SND1: variants seen among roughly 807,000 people sequenced by gnomAD.
The protein encoded by SND1 is staphylococcal nuclease and tudor domain containing 1.
A neutral mutation model predicts 121.7 loss-of-function variants in SND1; 38 were observed. That is an observed-to-expected ratio of 0.31 (90% CI 0.24 to 0.41). The LOEUF is 0.41. Ranked by LOEUF, SND1 falls within the 10% of genes least tolerant of loss-of-function variation. The probability of loss-of-function intolerance (pLI) is 1.00; values close to 1 mark genes in which losing one functional copy is unlikely to be tolerated. For synonymous variants in SND1, 401 were observed against 447.4 expected (o/e 0.90, Z 1.31); for missense variants, 868 against 1,184.6 (o/e 0.73, Z 3.92).
At chr7:127,908,316 AAATG>A (rs1800384864) in intron 14 of SND1, among the ~76,000 whole-genome samples, 1 of 104,716 alleles carries the variant, frequency 9.5e-6, no homozygotes, top group Non-Finnish European at 2.0e-5. Flanking sequence ...AAATAATAAT[AAATG>A]TGTGTGTGTG....
chr7:127,880,808 T>A (rs1332571829), intron 12 of SND1, among the ~76,000 whole-genome samples: 1 of 151,932 alleles, frequency 6.6e-6, no homozygotes, highest in African/African-American at 2.4e-5. Context: ...CCCCACAGGG[T>A]GACATTTTTA....
At chr7:128,084,983 C>G (rs896597571) in intron 19 of SND1, 136 bp downstream of exon 19, 5 of 862,486 alleles carry the variant, frequency 5.8e-6, no homozygotes, top group Middle Eastern at 2.4e-4. Flanking sequence ...TCCTGGGTGT[C>G]CCTCTTCATT....
intron 12 of SND1, chr7:127,858,135 G>T: frequency 1.2e-6 from 1 of 844,086 alleles, no homozygotes; most frequent in South Asian, 1.3e-5. Flanking sequence ...TGTCTAGGGA[G>T]TGTGGGGGTG....
At chr7:128,074,464 C>G (rs1196356540) in intron 16 of SND1, 38 bp from the exon 17 acceptor site, 1 of 1,575,892 alleles carries the variant, frequency 6.3e-7, no homozygotes, top group East Asian at 2.3e-5. Flanking sequence ...ACACTCAGGC[C>G]TGGCCCCCAC....
chr7:127,910,410 A>T (rs1363136239), intron 14 of SND1, among the ~76,000 whole-genome samples: 1 of 152,196 alleles, frequency 6.6e-6, no homozygotes, highest in Non-Finnish European at 1.5e-5. Context: ...GCATCACTGC[A>T]TTCCAGCCTG....
chr7:128,018,366 G>T (rs1415479389), intron 16 of SND1, among the ~76,000 whole-genome samples: 1 of 152,208 alleles, frequency 6.6e-6, no homozygotes, highest in Non-Finnish European at 1.5e-5. Flanking sequence ...TGACAGCCCA[G>T]CACAAAGAAA....
intron 16 of SND1, chr7:128,028,996 T>C: frequency 5.0e-6 from 8 of 1,613,232 alleles, no homozygotes; most frequent in Non-Finnish European, 6.8e-6. Context: ...TTACGAAGTT[T>C]ATAGAAGACA....
intron 11 of SND1, among the ~76,000 whole-genome samples, chr7:127,821,484 A>C (rs1002189876): frequency 6.6e-6 from 1 of 152,100 alleles, no homozygotes; most frequent in Non-Finnish European, 1.5e-5. Flanking sequence ...CTCCAGGTTG[A>C]TGGGTACCAG....
At chr7:127,855,824 T>C (rs1799263703) in intron 12 of SND1, among the ~76,000 whole-genome samples, 1 of 152,244 alleles carries the variant, frequency 6.6e-6, no homozygotes, top group South Asian at 2.1e-4. Flanking sequence ...TCACACTCCC[T>C]GTGGCCAACT....
chr7:127,839,619 T>C (rs995001621), intron 11 of SND1, among the ~76,000 whole-genome samples: 33 of 152,296 alleles, frequency 2.2e-4, no homozygotes, highest in Admixed American at 1.4e-3. Context: ...TACTAAACTA[T>C]TCCAGACTTT....
intron 16 of SND1, among the ~76,000 whole-genome samples, chr7:128,017,832 G>GA (rs1803259008): frequency 6.6e-6 from 1 of 152,256 alleles, no homozygotes; most frequent in Admixed American, 6.5e-5. Flanking sequence ...GTTTCCACAT[G>GA]TTAAATGCTT....
chr7:128,005,633 T>G (rs1802955838), intron 16 of SND1, among the ~76,000 whole-genome samples: 1 of 152,250 alleles, frequency 6.6e-6, no homozygotes, highest in Non-Finnish European at 1.5e-5. Context: ...GGTTGCTGAT[T>G]TACAGTTGGG....
chr7:127,892,971 C>T (rs1450232581), intron 13 of SND1, among the ~76,000 whole-genome samples: 1 of 151,968 alleles, frequency 6.6e-6, no homozygotes, highest in Non-Finnish European at 1.5e-5. Flanking sequence ...TTTCCAGTTC[C>T]TCTTTTTGTT....
intron 1 of SND1, among the ~76,000 whole-genome samples, chr7:127,666,204 TGAAC>T (rs1795415581): frequency 6.6e-6 from 1 of 152,212 alleles, no homozygotes; most frequent in East Asian, 1.9e-4. Flanking sequence ...ATTCGGCCCC[TGAAC>T]CGTAGCTCTA....
intron 10 of SND1, among the ~76,000 whole-genome samples, chr7:127,725,053 T>C (rs2116396986): frequency 6.6e-6 from 1 of 152,316 alleles, no homozygotes; most frequent in Non-Finnish European, 1.5e-5. Flanking sequence ...AGAGCTCTTA[T>C]AAAGAATACA....
At chr7:128,016,862 T>C (rs1803236001) in intron 16 of SND1, among the ~76,000 whole-genome samples, 1 of 152,248 alleles carries the variant, frequency 6.6e-6, no homozygotes, top group Admixed American at 6.5e-5. Flanking sequence ...TCTGACCAAA[T>C]CTTAGTGATC....
intron 11 of SND1, among the ~76,000 whole-genome samples, chr7:127,821,859 C>T (rs1364558140): frequency 6.6e-6 from 1 of 152,140 alleles, no homozygotes; most frequent in Non-Finnish European, 1.5e-5. Flanking sequence ...ATTTTGACGT[C>T]ATTTGGCAGG....
chr7:127,794,350 A>T (rs1328646088), intron 10 of SND1, among the ~76,000 whole-genome samples: 4 of 152,204 alleles, frequency 2.6e-5, no homozygotes. Context: ...TTGTGTTTTG[A>T]AATGCACAAC....
intron 15 of SND1, among the ~76,000 whole-genome samples, chr7:127,984,106 T>C (rs1302072055): frequency 6.6e-6 from 1 of 152,224 alleles, no homozygotes; most frequent in Non-Finnish European, 1.5e-5. Context: ...CATTTTCCCC[T>C]GCTCTCTTTA....
Sources: gnomAD v4.1 joint callset for allele counts (sites outside exome capture counted in the v4.1 genomes callset) on GRCh38, gnomAD v4.1.1 for gene constraint, MANE v1.5 for transcripts, NCBI Gene and HGNC (gene_info 2026-07-23, HGNC 2026-07-21) for gene names.